Variants in FBXO38 observed in about 807,000 individuals in gnomAD.
The protein encoded by FBXO38 is F-box protein 38.
FBXO38 carries 53 observed loss-of-function variants against 131.9 expected under a neutral mutation model. The observed-to-expected ratio is 0.40, with a 90% CI of 0.32 to 0.51. The LOEUF (loss-of-function observed/expected upper bound fraction) is 0.51, where lower values mean the gene tolerates loss of function less well. FBXO38 is among the 20% of genes least tolerant of loss of function. The pLI, the probability that FBXO38 is intolerant of heterozygous loss-of-function variation, is 0.53. For missense variants in FBXO38, 1,076 were observed against 1,475.6 expected (o/e 0.73, Z 4.44); for synonymous variants, 452 against 505.6 (o/e 0.89, Z 1.42).
chr5:148,410,450 G>C (rs1752684364), intron 8 of FBXO38, 185 bp from the exon 9 acceptor site: 1 of 647,470 alleles, frequency 1.5e-6, no homozygotes. Flanking sequence ...TTTGCCTTCA[G>C]CCATGTTCGT....
At chr5:148,406,109 C>G (rs774560393) in intron 6 of FBXO38, 148 bp from the exon 7 acceptor site, 5 of 685,794 alleles carry the variant, frequency 7.3e-6, no homozygotes, top group African/African-American at 5.6e-5. Context: ...CTAACACTTT[C>G]ATTTGTAACA....
rs1439905222 is a variant in FBXO38 at position 148,417,132 on chromosome 5, C to T, written c.1546C>T (p.Pro516Ser). 2 of 1,613,710 alleles carry T rather than the reference C, an allele frequency of 1.2e-6. No homozygotes were observed. Among genetic ancestry groups the T allele is most frequent in the South Asian group, 2.2e-5 (2 of 91,076 alleles). ...ANIHDNNHHH[P>S]DDSDEENDFR... ...CATCCACGACAACAATCACCATCAT[C>T]CAGATGACTCAGACGAGGAGAATGA... Residue 516 changes from proline (P) to serine (S), a missense_variant, in exon 12 of 22, where the codon CCA becomes TCA. Pro to Ser is a moderately conservative substitution (Grantham distance 74, BLOSUM62 -1). This residue lies in a region of FBXO38 where 212 missense variants were observed against 221.2 expected (regional missense o/e 0.96). Coordinates refer to ENST00000340253, the MANE Select transcript of FBXO38 (RefSeq NM_205836.3).
At chr5:148,387,409 C>G (rs1251070102) in intron 1 of FBXO38, among the ~76,000 whole-genome samples, 3 of 152,202 alleles carry the variant, frequency 2.0e-5, no homozygotes, top group African/African-American at 7.2e-5. Context: ...GCTATTTCCT[C>G]CACATCTGCA....
chr5:148,431,300 A>G (rs1754031965), intron 15 of FBXO38, among the ~76,000 whole-genome samples: 1 of 152,246 alleles, frequency 6.6e-6, no homozygotes, highest in Admixed American at 6.5e-5. Flanking sequence ...TAAGAGAATA[A>G]TAACAAACAC....
At chr5:148,403,556 C>T (rs143417243) in intron 5 of FBXO38, among the ~76,000 whole-genome samples, 150 of 152,234 alleles carry the variant, frequency 9.9e-4, no homozygotes, top group Admixed American at 2.2e-3. Flanking sequence ...CTGCATCTTA[C>T]ATCTCAATCT....
intron 19 of FBXO38, 54 bp downstream of exon 19, chr5:148,439,846 A>C: frequency 6.4e-7 from 1 of 1,566,598 alleles, no homozygotes; most frequent in Non-Finnish European, 8.7e-7. Flanking sequence ...CATAGCAGGG[A>C]CTCCCAGAAG....
chr5:148,419,478 T>TA (rs1251448394), intron 12 of FBXO38, among the ~76,000 whole-genome samples: 1 of 152,230 alleles, frequency 6.6e-6, no homozygotes, highest in East Asian at 1.9e-4. Flanking sequence ...GGAATTATGT[T>TA]AAACAGTTGA....
intron 13 of FBXO38, among the ~76,000 whole-genome samples, chr5:148,425,162 G>C (rs77980696): frequency 1.8e-3 from 276 of 152,176 alleles, no homozygotes; most frequent in Non-Finnish European, 2.9e-3. Context: ...AAAATATATA[G>C]CTTAGTTTTA....
chr5:148,416,135 T>A (rs77122990), intron 11 of FBXO38, 65 bp downstream of exon 11: 1 of 428,854 alleles, frequency 2.3e-6, no homozygotes, highest in South Asian at 6.8e-5. Context: ...CAGCCTGTGA[T>A]TTTTTTTTTT....
chr5:148,406,141 A>G, intron 6 of FBXO38, 116 bp from the exon 7 acceptor site: 1 of 990,524 alleles, frequency 1.0e-6, no homozygotes, highest in Non-Finnish European at 1.4e-6. Context: ...TCAGAGAGCC[A>G]ATTTGGCTGT....
At position 148,427,830 on chromosome 5, in the gene FBXO38, A is replaced by G; in HGVS notation, c.2536A>G (p.Arg846Gly). Reference protein sequence around the residue: ...GSGSGATGEDRRGSSQPESCD... With the variant: ...GSGSGATGEDGRGSSQPESCD... ...TGGCTCTGGGGCTACAGGTGAGGAC[A>G]GGAGGGGGAGCTCCCAGCCTGAGAG... is the stretch of plus-strand genomic sequence containing the variant. The change falls in exon 15 of 22, where the codon AGG becomes GGG. Residue 846 changes from arginine (R) to glycine (G), a missense_variant. This residue lies in a region of FBXO38 where 213 missense variants were observed against 225.2 expected (regional missense o/e 0.95). Coordinates refer to ENST00000340253, the MANE Select transcript of FBXO38 (RefSeq NM_205836.3). 1.2e-6 allele frequency: 2 copies of G among 1,603,926 alleles called. No individual in the cohort carries two copies. The highest frequency in any genetic ancestry group is 1.7e-6 in the Non-Finnish European group (2 of 1,175,286).
intron 2 of FBXO38, among the ~76,000 whole-genome samples, chr5:148,395,734 G>A (rs1326802409): frequency 6.6e-6 from 1 of 151,540 alleles, no homozygotes; most frequent in Admixed American, 6.6e-5. Flanking sequence ...AAATGTTAAT[G>A]GTTATTCTGC....
intron 15 of FBXO38, among the ~76,000 whole-genome samples, chr5:148,428,230 GC>G (rs1396554471): frequency 6.6e-6 from 1 of 152,166 alleles, no homozygotes; most frequent in African/African-American, 2.4e-5. Flanking sequence ...TGACACCTAA[GC>G]CCCAGTAGAT....
chr5:148,422,550 C>T (rs1191438042), intron 12 of FBXO38, among the ~76,000 whole-genome samples: 1 of 152,186 alleles, frequency 6.6e-6, no homozygotes, highest in Non-Finnish European at 1.5e-5. Context: ...TCTCCCCCAA[C>T]TAGAGTAAGC....
intron 10 of FBXO38, chr5:148,415,385 A>G (rs1309408014): frequency 2.0e-5 from 3 of 153,046 alleles, no homozygotes; most frequent in African/African-American, 7.2e-5. Context: ...CCTCTTCTCA[A>G]AGGTAACCAT....
chr5:148,411,870 C>G (rs1047389531), intron 9 of FBXO38, among the ~76,000 whole-genome samples: 1 of 152,078 alleles, frequency 6.6e-6, no homozygotes, highest in Non-Finnish European at 1.5e-5. Flanking sequence ...CTAACATTCC[C>G]TATGTTTCTG....
chr5:148,398,786 G>C (rs955329590), intron 2 of FBXO38, among the ~76,000 whole-genome samples: 1 of 151,830 alleles, frequency 6.6e-6, no homozygotes, highest in Non-Finnish European at 1.5e-5. Context: ...CCTGTGGAGG[G>C]AGCTCAATAC....
At chr5:148,392,581 T>TGTGTGTGTGTGTG (rs1758253834) in intron 1 of FBXO38, among the ~76,000 whole-genome samples, 2 of 141,854 alleles carry the variant, frequency 1.4e-5, no homozygotes, top group African/African-American at 5.4e-5. Flanking sequence ...TTGCTTTTCT[T>TGTGTGTGTGTGTG]TGTGTGTGTG....
At chr5:148,435,640 G>A (rs1307340092) in intron 17 of FBXO38, among the ~76,000 whole-genome samples, 2 of 151,984 alleles carry the variant, frequency 1.3e-5, no homozygotes, top group Admixed American at 1.3e-4. Context: ...CATGGTGGCG[G>A]GTGCCTGTAG....
Sources: allele counts gnomAD v4.1 joint callset (sites outside exome capture counted in the v4.1 genomes callset), GRCh38; gene constraint gnomAD v4.1.1; regional missense constraint gnomAD v4.1.1; transcripts MANE v1.5; gene names NCBI Gene and HGNC (gene_info 2026-07-23, HGNC 2026-07-21).